Variants in APP observed in about 807,000 individuals in gnomAD.
The protein encoded by APP is amyloid beta precursor protein.
A neutral mutation model predicts 101.4 loss-of-function variants in APP; 31 were observed. That is an observed-to-expected ratio of 0.31 (90% CI 0.23 to 0.41). APP has a LOEUF of 0.41. Among genes scored for constraint, APP ranks in the 10% least tolerant of loss-of-function variants. APP has a pLI of 1.00. For missense variants in APP, 839 were observed against 1,003.7 expected (o/e 0.84, Z 2.22); for synonymous variants, 366 against 364.4 (o/e 1.00, Z -0.05).
intron 5 of APP, among the ~76,000 whole-genome samples, chr21:26,041,394 A>G (rs902251133): frequency 6.6e-6 from 1 of 152,256 alleles, no homozygotes; most frequent in African/African-American, 2.4e-5. Flanking sequence ...AGTTAAAATC[A>G]TAAGAATCTG....
chr21:25,959,627 G>A (rs926681945), intron 11 of APP, among the ~76,000 whole-genome samples: 2 of 152,142 alleles, frequency 1.3e-5, no homozygotes, highest in Non-Finnish European at 2.9e-5. Flanking sequence ...CTCAATTACT[G>A]TCCTAGGTTT....
rs139819006 is a variant in APP at position 26,022,001 on chromosome 21, G to A, written c.704C>T (p.Ala235Val). 8.1e-5 allele frequency: 131 copies of A among 1,613,998 alleles called. No homozygotes were observed. The highest frequency in any genetic ancestry group is 6.6e-4 in the Middle Eastern group (4 of 6,062). Reference protein sequence around the residue: ...VVEVAEEEEVAEVEEEEADDD... With the variant: ...VVEVAEEEEVVEVEEEEADDD... ...ATCGGCTTCTTCTTCTTCCACCTCAGCCACTTCTTCCTCCTCTGCTACTTC... is the reference window on the plus strand; with the variant it reads ...ATCGGCTTCTTCTTCTTCCACCTCAACCACTTCTTCCTCCTCTGCTACTTC... Residue 235 changes from alanine to valine, a missense_variant, in exon 6 of 18, where the codon GCT becomes GTT. Transcript: ENST00000346798.
intron 3 of APP, among the ~76,000 whole-genome samples, chr21:26,080,312 C>T (rs1420061675): frequency 6.6e-6 from 1 of 152,138 alleles, no homozygotes; most frequent in African/African-American, 2.4e-5. Flanking sequence ...AGTGGTCTAA[C>T]TCAAATAGTG....
intron 17 of APP, among the ~76,000 whole-genome samples, chr21:25,891,498 G>T (rs1344784739): frequency 6.6e-6 from 1 of 152,014 alleles, no homozygotes; most frequent in Non-Finnish European, 1.5e-5. Context: ...CAAATTGTAA[G>T]TTGAGATAAC....
intron 8 of APP, among the ~76,000 whole-genome samples, chr21:25,988,437 C>T (rs2042722033): frequency 6.6e-6 from 1 of 152,284 alleles, no homozygotes; most frequent in South Asian, 2.1e-4. Flanking sequence ...TGCAGTGGCT[C>T]ACGCCTGTAA....
intron 5 of APP, among the ~76,000 whole-genome samples, chr21:26,025,904 T>C (rs1280154947): frequency 6.6e-6 from 1 of 152,208 alleles, no homozygotes; most frequent in Non-Finnish European, 1.5e-5. Flanking sequence ...GAGCACACGG[T>C]TTTGTTTGAA....
intron 5 of APP, among the ~76,000 whole-genome samples, chr21:26,039,149 T>C (rs1266587401): frequency 1.3e-5 from 2 of 152,258 alleles, no homozygotes; most frequent in Non-Finnish European, 2.9e-5. Flanking sequence ...AGTGCAATAC[T>C]GCCCTTTCCT....
chr21:26,135,167 A>G (rs371048281), intron 1 of APP, among the ~76,000 whole-genome samples: 3 of 152,232 alleles, frequency 2.0e-5, no homozygotes, highest in African/African-American at 7.2e-5. Context: ...ATAAGATAGC[A>G]AGCCAAAGAT....
chr21:26,045,706 T>C (rs2045578357), intron 5 of APP, among the ~76,000 whole-genome samples: 1 of 152,198 alleles, frequency 6.6e-6, no homozygotes, highest in South Asian at 2.1e-4. Context: ...TTGCCATATG[T>C]GACACTCCAG....
At chr21:26,135,041 T>A (rs186575861) in intron 1 of APP, among the ~76,000 whole-genome samples, 38 of 152,342 alleles carry the variant, frequency 2.5e-4, no homozygotes, top group Non-Finnish European at 4.4e-4. Context: ...CAAATCTCTA[T>A]ATCTATACAA....
chr21:25,997,245 A>T (rs1342537686), intron 8 of APP, 115 bp downstream of exon 8: 1 of 1,014,536 alleles, frequency 9.9e-7, no homozygotes, highest in Non-Finnish European at 1.6e-6. Flanking sequence ...CATTTTACTA[A>T]GACAGGTGTT....
At chr21:25,990,200 G>T (rs1472532005) in intron 8 of APP, among the ~76,000 whole-genome samples, 2 of 152,166 alleles carry the variant, frequency 1.3e-5, no homozygotes, top group Admixed American at 1.3e-4. Context: ...CACTATCAAT[G>T]CATCACATGG....
intron 15 of APP, among the ~76,000 whole-genome samples, chr21:25,898,591 A>G (rs971274384): frequency 6.6e-6 from 1 of 152,168 alleles, no homozygotes; most frequent in Admixed American, 6.5e-5. Flanking sequence ...ACATAGAGGA[A>G]TGTATCAATT....
intron 6 of APP, among the ~76,000 whole-genome samples, chr21:26,019,107 A>G (rs1270643039): frequency 6.6e-6 from 1 of 152,242 alleles, no homozygotes; most frequent in Non-Finnish European, 1.5e-5. Context: ...TTCACCTGTT[A>G]CCTCAACAGT....
At chr21:25,958,508 A>C (rs994379886) in intron 11 of APP, among the ~76,000 whole-genome samples, 3 of 152,062 alleles carry the variant, frequency 2.0e-5, no homozygotes, top group Non-Finnish European at 4.4e-5. Flanking sequence ...CCATCTCCTG[A>C]CCTCGTGATC....
chr21:25,972,017 T>C (rs2042049238), intron 11 of APP, among the ~76,000 whole-genome samples: 1 of 152,238 alleles, frequency 6.6e-6, no homozygotes, highest in African/African-American at 2.4e-5. Context: ...CATAAAATGA[T>C]ACAGGGAAAT....
intron 6 of APP, among the ~76,000 whole-genome samples, chr21:26,006,939 C>T (rs913349623): frequency 1.3e-5 from 2 of 152,116 alleles, no homozygotes; most frequent in Admixed American, 6.5e-5. Context: ...TCTCAGCCTA[C>T]TGGAATGTAT....
rs991075113 is a variant in APP, at chr21:26,062,492, G to A, written c.356-9144C>T. On this transcript the variant is annotated intron_variant, in intron 3 of 17. Coordinates refer to ENST00000346798, the MANE Select transcript of APP (RefSeq NM_000484.4). ...AGCCTGGCTAACATGGTGAAACCCC[G>A]TCTCTACTAAAAATACAAAATTAGC... Among the ~76,000 whole-genome samples, 18 of 151,558 alleles carry A rather than the reference G, an allele frequency of 1.2e-4. No individual in the cohort carries two copies. In the South Asian group the frequency reaches 2.1e-3, roughly 18 times the overall value.
intron 1 of APP, among the ~76,000 whole-genome samples, chr21:26,152,920 A>C (rs2063307543): frequency 6.6e-6 from 1 of 152,212 alleles, no homozygotes; most frequent in South Asian, 2.1e-4. Flanking sequence ...TGAGAGGATA[A>C]AGAAGATGTG....
Sources: gnomAD v4.1 joint callset for allele counts (sites outside exome capture counted in the v4.1 genomes callset) on GRCh38, gnomAD v4.1.1 for gene constraint, MANE v1.5 for transcripts, NCBI Gene and HGNC (gene_info 2026-07-23, HGNC 2026-07-21) for gene names.